POLD3: variants seen among roughly 807,000 people sequenced by gnomAD.
The protein encoded by POLD3 is DNA polymerase delta subunit 3.
Under a neutral mutation model 58.2 loss-of-function variants are expected in POLD3, and 19 were observed. That is an observed-to-expected ratio of 0.33 (90% confidence interval 0.23 to 0.48). The LOEUF (loss-of-function observed/expected upper bound fraction) is 0.48, where lower values mean the gene tolerates loss of function less well. Ranked by LOEUF, POLD3 falls within the 20% of genes least tolerant of loss-of-function variation. POLD3 has a pLI of 0.99. For missense variants in POLD3, 504 were observed against 545.5 expected (o/e 0.92, Z 0.76); for synonymous variants, 172 against 193.5 (o/e 0.89, Z 0.92).
chr11:74,634,390 G>C (rs146942372), intron 9 of POLD3, among the ~76,000 whole-genome samples, 193 bp from the exon 10 acceptor site: 49 of 152,222 alleles, frequency 3.2e-4, no homozygotes, highest in African/African-American at 1.2e-3. Flanking sequence ...TTGATTCTCT[G>C]ATTTTATTTG....
intron 2 of POLD3, among the ~76,000 whole-genome samples, chr11:74,603,146 C>T (rs1325906741): frequency 6.6e-6 from 1 of 152,130 alleles, no homozygotes; most frequent in Non-Finnish European, 1.5e-5. Context: ...GTCCCTAAGG[C>T]GTAGAACATA....
At chr11:74,607,092 A>C (rs1344038469) in intron 3 of POLD3, among the ~76,000 whole-genome samples, 1 of 152,008 alleles carries the variant, frequency 6.6e-6, no homozygotes, top group African/African-American at 2.4e-5. Context: ...CCTTAAAGGG[A>C]ATCCTCCTAA....
intron 6 of POLD3, among the ~76,000 whole-genome samples, chr11:74,619,297 C>T (rs1401445856): frequency 6.6e-6 from 1 of 152,136 alleles, no homozygotes; most frequent in Non-Finnish European, 1.5e-5. Context: ...AACTCAAGGG[C>T]ATTGACTTAA....
At chr11:74,648,979 G>A (rs2033034909) in intron 4 of POLD3, among the ~76,000 whole-genome samples, 1 of 152,188 alleles carries the variant, frequency 6.6e-6, no homozygotes, top group South Asian at 2.1e-4. Flanking sequence ...GACTTCAAAT[G>A]TGGAATGATT....
intron 7 of POLD3, among the ~76,000 whole-genome samples, chr11:74,621,082 T>C (rs572617476): frequency 6.6e-6 from 1 of 152,274 alleles, no homozygotes; most frequent in South Asian, 2.1e-4. Context: ...GGAAGCATTA[T>C]TGTATTACTG....
intron 3 of POLD3, among the ~76,000 whole-genome samples, chr11:74,606,401 C>G (rs527756498): frequency 2.0e-5 from 3 of 152,184 alleles, no homozygotes; most frequent in African/African-American, 7.2e-5. Flanking sequence ...CTGTCTCTTT[C>G]TCTAATTAGT....
chr11:74,645,592 A>G (rs568608217), downstream of POLD3, among the ~76,000 whole-genome samples: 71 of 152,336 alleles, frequency 4.7e-4, no homozygotes, highest in Non-Finnish European at 9.4e-4. Context: ...TTGTTTCCTC[A>G]TCTTTAAAAA....
intron 7 of POLD3, among the ~76,000 whole-genome samples, chr11:74,621,865 ATTTAT>A (rs2135153866): frequency 6.6e-6 from 1 of 151,404 alleles, no homozygotes. Flanking sequence ...TTATTTATTT[ATTTAT>A]TTTATTATTA....
chr11:74,614,695 G>A (rs980427942), intron 5 of POLD3, among the ~76,000 whole-genome samples: 16 of 133,450 alleles, frequency 1.2e-4, no homozygotes, highest in East Asian at 4.4e-4. Context: ...GGGCGACAGA[G>A]CAAGACTCCA....
At chr11:74,665,465 A>T (rs2033257069) in intron 4 of POLD3, among the ~76,000 whole-genome samples, 1 of 132,464 alleles carries the variant, frequency 7.5e-6, no homozygotes, top group African/African-American at 3.0e-5. Context: ...CAGTGGCACG[A>T]TGTCGACTCA....
At chr11:74,661,101 C>A (rs993944077) in intron 4 of POLD3, among the ~76,000 whole-genome samples, 3 of 152,024 alleles carry the variant, frequency 2.0e-5, no homozygotes, top group African/African-American at 7.2e-5. Context: ...TGTATTCCTT[C>A]TCTGTGTTAT....
intron 2 of POLD3, among the ~76,000 whole-genome samples, chr11:74,601,089 C>G (rs2031479248): frequency 6.6e-6 from 1 of 152,094 alleles, no homozygotes; most frequent in Admixed American, 6.6e-5. Context: ...GAACTGGGGT[C>G]AATTTGGGGA....
rs376379283 is a variant in POLD3 at position 74,628,882 on chromosome 11, A to G, written c.900-335A>G. ...ATGGCTAGCAAAGAGCCTTGTATGT[A>G]TGTAGTAGCTGCTTATTTAATGCTT... On this transcript the variant is annotated intron_variant, in intron 8 of 11. Transcript: ENST00000263681. The G allele has an allele frequency of 1.2e-4, 21 of 180,014 alleles. No individual in the cohort carries two copies. The East Asian group carries it at 2.7e-3, about 23-fold the overall frequency. 11.2% of individuals were successfully genotyped at this position (180,014 alleles called of 1,614,324 possible).
chr11:74,663,809 A>G (rs528409337), intron 4 of POLD3, among the ~76,000 whole-genome samples: 1 of 152,340 alleles, frequency 6.6e-6, no homozygotes, highest in Admixed American at 6.5e-5. Flanking sequence ...CCATTAAGAA[A>G]TAAGTAGGAA....
At chr11:74,610,920 G>A (rs888463516) in intron 3 of POLD3, among the ~76,000 whole-genome samples, 11 of 151,848 alleles carry the variant, frequency 7.2e-5, no homozygotes, top group African/African-American at 1.5e-4. Context: ...GATTACAGGT[G>A]CCTGCCACCA....
chr11:74,629,646 T>C lies in POLD3; in HGVS notation c.1006+323T>C, dbSNP rs192772569. On this transcript the variant is annotated intron_variant, in intron 9 of 11. Coordinates refer to ENST00000263681, the MANE Select transcript of POLD3 (RefSeq NM_006591.3). ...TTTAGCTACCTTCATGTGAATCTTT[T>C]AAAAATTGTGACGTTCTAGGCAGCC... Among the ~76,000 whole-genome samples, 349 of 152,076 alleles carry C rather than the reference T, an allele frequency of 2.3e-3. 2 individuals are homozygous for C. Among genetic ancestry groups the C allele is most frequent in the African/African-American group, 7.9e-3 (329 of 41,492 alleles).
At chr11:74,660,897 C>A (rs935460104) in intron 4 of POLD3, among the ~76,000 whole-genome samples, 1 of 151,872 alleles carries the variant, frequency 6.6e-6, no homozygotes, top group African/African-American at 2.4e-5. Flanking sequence ...CAGGCTAATA[C>A]ATCTCCTCTG....
intron 4 of POLD3, among the ~76,000 whole-genome samples, chr11:74,649,347 A>G (rs1347327984): frequency 6.6e-6 from 1 of 152,182 alleles, no homozygotes; most frequent in African/African-American, 2.4e-5. Context: ...AATGGTAGAA[A>G]GGCTGTCCAG....
downstream of POLD3, chr11:74,643,162 A>G (rs2032957203): frequency 1.3e-5 from 2 of 152,902 alleles, no homozygotes; most frequent in Admixed American, 1.3e-4. Flanking sequence ...TGATGTCATA[A>G]GTGATGTAAT....
Sources: allele counts gnomAD v4.1 joint callset (sites outside exome capture counted in the v4.1 genomes callset), GRCh38; gene constraint gnomAD v4.1.1; transcripts MANE v1.5; gene names NCBI Gene and HGNC (gene_info 2026-07-23, HGNC 2026-07-21).